The following FAM83G variants were observed in gnomAD, a reference collection of about 807,000 sequenced individuals.
FAM83G encodes the protein protein FAM83G.
In FAM83G, 38 loss-of-function variants were observed where a neutral mutation model predicts 61.5. The ratio of observed to expected loss-of-function variants is 0.62; its 90% CI spans 0.48 to 0.81. The LOEUF (loss-of-function observed/expected upper bound fraction) is 0.81. Among genes scored for constraint, FAM83G ranks in the 30% least tolerant of loss-of-function variants. The probability of loss-of-function intolerance (pLI) is 0.00; values close to 1 mark genes in which losing one functional copy is unlikely to be tolerated. For missense variants in FAM83G, 989 were observed against 1,133.6 expected (o/e 0.87, Z 1.83); for synonymous variants, 470 against 476.1 (o/e 0.99, Z 0.17).
intron 3 of FAM83G, among the ~76,000 whole-genome samples, chr17:18,987,531 A>T (rs979054204): frequency 2.0e-5 from 3 of 152,182 alleles, no homozygotes; most frequent in African/African-American, 7.2e-5. Context: ...TGGGCAGAAG[A>T]GCGTTGGACC....
Position 18,968,868 on chromosome 17 carries a change from A to G in FAM83G, c.*2491T>C. 3.4e-6 allele frequency: 2 copies of G among 595,284 alleles called. No individual in the cohort carries two copies. Among genetic ancestry groups the G allele is most frequent in the Non-Finnish European group, 3.0e-6 (1 of 337,774 alleles). The allele number at this position is 595,284 out of a possible 1,614,324, so 36.9% of individuals were successfully genotyped here. A position where few individuals can be genotyped will look rare whatever the true frequency, so the allele number is the denominator to read the frequency against. Reference sequence around the variant, plus strand: ...GACATCCGCACAAGCTTGTAGCTCCACGGCCAGGTCTTCCCCCAACCTCAC... The same window carrying G: ...GACATCCGCACAAGCTTGTAGCTCCGCGGCCAGGTCTTCCCCCAACCTCAC... On this transcript the variant is annotated 3_prime_UTR_variant, in exon 6 of 6. Coordinates refer to ENST00000388995, the MANE Select transcript of FAM83G (RefSeq NM_001039999.3). This position sits in a 1 kb window ranked among gnomAD's most constrained non-coding sequence, Gnocchi z 4.1.
At chr17:18,977,118 G>A in intron 5 of FAM83G, 3 of 1,331,620 alleles carry the variant, frequency 2.3e-6, no homozygotes, top group Non-Finnish European at 3.1e-6. Context: ...GGGGAGTGGG[G>A]AGAGTGGTCC....
chr17:18,992,404 G>A (rs1010109185), intron 2 of FAM83G, among the ~76,000 whole-genome samples: 5 of 152,222 alleles, frequency 3.3e-5, no homozygotes, highest in African/African-American at 7.2e-5. Flanking sequence ...GGCAGTGACC[G>A]GAGCAGCTTG....
intron 2 of FAM83G, among the ~76,000 whole-genome samples, chr17:18,991,676 G>A (rs970324303): frequency 5.9e-5 from 9 of 152,158 alleles, no homozygotes; most frequent in Non-Finnish European, 1.0e-4. Context: ...CATGGCAGGC[G>A]GGCACGTGTG....
At chr17:18,977,115 G>T in intron 5 of FAM83G, 1 of 1,329,030 alleles carries the variant, frequency 7.5e-7, no homozygotes, top group Non-Finnish European at 1.0e-6. Flanking sequence ...CCTGGGGAGT[G>T]GGGAGAGTGG....
intron 5 of FAM83G, among the ~76,000 whole-genome samples, chr17:18,972,051 T>C (rs2042869485): frequency 6.6e-6 from 1 of 151,928 alleles, no homozygotes; most frequent in Non-Finnish European, 1.5e-5. Context: ...CTGAATGGGG[T>C]TGTTGGAGGC....
chr17:18,990,648 T>C (rs1455990040), intron 2 of FAM83G, among the ~76,000 whole-genome samples: 3 of 152,228 alleles, frequency 2.0e-5, no homozygotes, highest in Non-Finnish European at 4.4e-5. Context: ...GACCATCTGC[T>C]GTCAGGTTGG....
rs1419365606 is a variant in FAM83G at position 18,978,069 on chromosome 17, C to T, written c.1597G>A (p.Glu533Lys). The T allele has an allele frequency of 2.6e-6, 4 of 1,517,216 alleles. No homozygotes were observed. In the South Asian group the frequency reaches 4.0e-5, roughly 15 times the overall value. 94.0% of individuals were successfully genotyped at this position (1,517,216 alleles called of 1,614,324 possible). ...TGGTCTGTCCCATTCTGGGGAGCTT[C>T]CTCTTTGGGGAGCTCCAGGACCCAG... ...IGWVLELPKE[E>K]APQNGTDHRL... is the part of the protein sequence containing the mutation. The change falls in exon 5 of 6, where the codon GAA (glutamate) becomes AAA (lysine). Residue 533 changes from glutamate to lysine, a missense_variant. Around this residue, in one of 3 missense-constraint regions of FAM83G, gnomAD observed 574 missense variants for 645.1 expected, o/e 0.89. Coordinates refer to ENST00000388995, the MANE Select transcript of FAM83G (RefSeq NM_001039999.3).
At chr17:18,994,268 G>A (rs1256890699) in intron 2 of FAM83G, among the ~76,000 whole-genome samples, 11 of 152,236 alleles carry the variant, frequency 7.2e-5, no homozygotes, top group Non-Finnish European at 1.6e-4. Context: ...AGCGATTCCT[G>A]AGAGAAGAGG....
chr17:18,983,057 C>T (rs919542166), intron 3 of FAM83G, among the ~76,000 whole-genome samples: 5 of 152,214 alleles, frequency 3.3e-5, no homozygotes, highest in Non-Finnish European at 7.3e-5. Flanking sequence ...CAGAGGACCA[C>T]AAAACATCCA....
intron 2 of FAM83G, among the ~76,000 whole-genome samples, chr17:18,990,521 A>C (rs933880073): frequency 6.6e-6 from 1 of 152,228 alleles, no homozygotes; most frequent in Non-Finnish European, 1.5e-5. Flanking sequence ...GGCCCTGCCT[A>C]CCGTGGCAGA....
At chr17:18,979,527 T>A in intron 4 of FAM83G, 22 bp downstream of exon 4, 2 of 1,611,672 alleles carry the variant, frequency 1.2e-6, no homozygotes, top group South Asian at 2.2e-5. Context: ...TCGCACAACT[T>A]CCCTGAAAGC....
intron 2 of FAM83G, among the ~76,000 whole-genome samples, chr17:18,993,311 A>G (rs2043477831): frequency 6.6e-6 from 1 of 151,924 alleles, no homozygotes; most frequent in Non-Finnish European, 1.5e-5. Flanking sequence ...TCCCAACTCC[A>G]GTGCAGCCCC....
intron 2 of FAM83G, among the ~76,000 whole-genome samples, chr17:18,990,960 A>G (rs1361849505): frequency 2.6e-5 from 4 of 152,180 alleles, no homozygotes; most frequent in Non-Finnish European, 5.9e-5. Context: ...TCCCACCCAG[A>G]GCACCTTCTG....
At position 18,988,445 on chromosome 17, in the gene FAM83G, CAG is replaced by C. The variant is rs374032768; in HGVS notation, c.523-33_523-32del. The stretch of plus-strand genomic sequence containing the variant: ...AGCAAGAAGAGAGACTAGGGCCTGT[CAG>C]ACAGTGCAGCAGTGGGGACAGGGTG... On this transcript the variant is annotated intron_variant, in intron 2 of 5. Coordinates refer to ENST00000388995, the MANE Select transcript of FAM83G (RefSeq NM_001039999.3). 1.9e-5 allele frequency: 31 copies of C among 1,611,344 alleles called. No homozygotes were observed. In the African/African-American group the frequency reaches 2.5e-4, roughly 13 times the overall value.
At chr17:18,982,574 C>T (rs1026708679) in intron 3 of FAM83G, among the ~76,000 whole-genome samples, 5 of 152,186 alleles carry the variant, frequency 3.3e-5, no homozygotes, top group South Asian at 2.1e-4. Flanking sequence ...ACGTCAAGGG[C>T]GAGTCAGGGC....
intron 5 of FAM83G, among the ~76,000 whole-genome samples, chr17:18,973,186 C>T (rs1384717249): frequency 6.6e-6 from 1 of 152,236 alleles, no homozygotes; most frequent in East Asian, 1.9e-4. Context: ...CCCCTTTACA[C>T]CCGCCACCTC....
chr17:18,985,504 G>T (rs542257335), intron 3 of FAM83G, among the ~76,000 whole-genome samples: 11 of 152,310 alleles, frequency 7.2e-5, no homozygotes, highest in African/African-American at 1.9e-4. Flanking sequence ...AGTGGCTGAG[G>T]GCAGGCCCAG....
chr17:19,004,197 T>G lies in FAM83G; in HGVS notation c.-128-28A>C. On this transcript the variant is annotated intron_variant, in intron 1 of 5. Transcript: ENST00000388995. The surrounding 1 kb of genome is among the most constrained non-coding windows in gnomAD (Gnocchi z 5.4). ...GCGGGAAAGACCTGATGAGCCCGGC[T>G]CGGCGGGGAGGGCGGGCCGCGCGGG... 3 of 348,488 alleles carry G rather than the reference T, an allele frequency of 8.6e-6. No homozygotes were observed. The highest frequency in any genetic ancestry group is 1.5e-4 in the East Asian group (1 of 6,652). 21.6% of individuals were successfully genotyped at this position (348,488 alleles called of 1,614,324 possible).
Sources: allele counts gnomAD v4.1 joint callset (sites outside exome capture counted in the v4.1 genomes callset), GRCh38; gene constraint gnomAD v4.1.1; regional missense constraint gnomAD v4.1.1; non-coding constraint Gnocchi (gnomAD v3.1); transcripts MANE v1.5; gene names NCBI Gene and HGNC (gene_info 2026-07-23, HGNC 2026-07-21).